LGR5: variants seen among roughly 807,000 people sequenced by gnomAD.
LGR5 encodes leucine rich repeat containing G protein-coupled receptor 5.
Under a neutral mutation model 76.7 loss-of-function variants are expected in LGR5, and 54 were observed. The ratio of observed to expected loss-of-function variants is 0.70; its 90% CI spans 0.57 to 0.88. The LOEUF is 0.88. LGR5 is among the 40% of genes least tolerant of loss of function. LGR5 has a pLI of 0.00. For missense variants in LGR5, 1,078 were observed against 1,073.3 expected, an observed-to-expected ratio of 1.00 and a Z score of -0.06; for synonymous variants, 406 against 421.9, an observed-to-expected ratio of 0.96 and a Z score of 0.46.
chr12:71,582,322 C>A, intron 16 of LGR5, 134 bp from the exon 17 acceptor site: 1 of 688,030 alleles, frequency 1.5e-6, no homozygotes, highest in Non-Finnish European at 2.5e-6. Context: ...TTTATAATAA[C>A]TTGCAAGAAA....
In LGR5 at chr12:71,585,065, A is replaced by T. The variant is rs1006936882; in HGVS notation, c.*331A>T. 3.4e-5 allele frequency: 7 copies of T among 207,804 alleles called. No homozygotes were observed. Among genetic ancestry groups the T allele is most frequent in the Non-Finnish European group, 6.8e-5 (7 of 103,422 alleles). The allele number at this position is 207,804 out of a possible 1,614,324, so 12.9% of individuals were successfully genotyped here. On this transcript the variant is annotated 3_prime_UTR_variant, in exon 18 of 18. Coordinates refer to ENST00000266674, the MANE Select transcript of LGR5 (RefSeq NM_003667.4). Reference sequence around the variant, plus strand: ...TCTCTTTAAACTCACCAATGTAATCATTTTGGGAGGAGGGAGAACCCACTT... The same window carrying T: ...TCTCTTTAAACTCACCAATGTAATCTTTTTGGGAGGAGGGAGAACCCACTT...
chr12:71,580,498 G>A lies in LGR5; in HGVS notation c.1552+75G>A, dbSNP rs1046906213. On this transcript the variant is annotated intron_variant, in intron 16 of 17. Transcript: ENST00000266674. ...CACATGGAAATGAATTATGTTTGAT[G>A]AAAAGTCATCGAACAGGCCGGGTGT... The A allele has an allele frequency of 1.4e-5, 21 of 1,485,022 alleles. No individual in the cohort carries two copies. The East Asian group carries it at 1.6e-4, about 11-fold the overall frequency. The allele number at this position is 1,485,022 out of a possible 1,614,324, so 92.0% of individuals were successfully genotyped here. A position where few individuals can be genotyped will look rare whatever the true frequency, so the allele number is the denominator to read the frequency against.
At chr12:71,447,614 T>G (rs1459934221) in intron 1 of LGR5, among the ~76,000 whole-genome samples, 1 of 152,184 alleles carries the variant, frequency 6.6e-6, no homozygotes, top group African/African-American at 2.4e-5. Context: ...AGAAGGAGTG[T>G]TTGCTTCTTC....
chr12:71,496,051 C>T (rs908413213), intron 1 of LGR5, among the ~76,000 whole-genome samples: 1 of 152,106 alleles, frequency 6.6e-6, no homozygotes, highest in Non-Finnish European at 1.5e-5. Flanking sequence ...TGTGACATCA[C>T]TGTACATGCC....
intron 4 of LGR5, among the ~76,000 whole-genome samples, chr12:71,541,950 A>G (rs1463951636): frequency 1.3e-5 from 2 of 152,240 alleles, no homozygotes; most frequent in Non-Finnish European, 2.9e-5. Flanking sequence ...GGAAAGGCTT[A>G]ACAGAAACAC....
At chr12:71,474,670 C>T (rs142882648) in intron 1 of LGR5, among the ~76,000 whole-genome samples, 30 of 152,274 alleles carry the variant, frequency 2.0e-4, no homozygotes, top group African/African-American at 5.8e-4. Context: ...AGATTATGTC[C>T]TTGCCTGTAT....
intron 16 of LGR5, 34 bp downstream of exon 16, chr12:71,580,457 G>A (rs1283238053): frequency 1.6e-5 from 25 of 1,594,568 alleles, no homozygotes; most frequent in Non-Finnish European, 2.1e-5. Context: ...ATGAAATTGT[G>A]TTGTGTTCAG....
At chr12:71,439,540 C>T (rs968582762), upstream of LGR5, among the ~76,000 whole-genome samples, 1 of 151,944 alleles carries the variant, frequency 6.6e-6, no homozygotes, top group African/African-American at 2.4e-5. Flanking sequence ...GTGGGGGGGT[C>T]CCCTATTCCG....
chr12:71,544,158 G>A lies in LGR5; in HGVS notation c.429-8915G>A, dbSNP rs1355172922. On this transcript the variant is annotated intron_variant, in intron 4 of 17. Transcript: ENST00000266674. ...TTTGGTTCCTTTAGACATTTCATCTGGCTGCTAGTCAAGACAGCTGATTAG... is the reference window on the plus strand; with the variant it reads ...TTTGGTTCCTTTAGACATTTCATCTAGCTGCTAGTCAAGACAGCTGATTAG... Among the ~76,000 whole-genome samples, 3 of 151,958 alleles carry A rather than the reference G, an allele frequency of 2.0e-5. No individual in the cohort carries two copies. The East Asian group carries it at 5.8e-4, about 29-fold the overall frequency.
At position 71,440,356 on chromosome 12, in the gene LGR5, C is replaced by G; in HGVS notation, c.212+64C>G. 1 of 1,524,002 alleles carries G rather than the reference C, an allele frequency of 6.6e-7. No homozygotes were observed. Among genetic ancestry groups the G allele is most frequent in the Non-Finnish European group, 9.0e-7 (1 of 1,116,248 alleles). The allele number at this position is 1,524,002 out of a possible 1,614,324, so 94.4% of individuals were successfully genotyped here. A position where few individuals can be genotyped will look rare whatever the true frequency, so the allele number is the denominator to read the frequency against. On this transcript the variant is annotated intron_variant, in intron 1 of 17. Coordinates refer to ENST00000266674, the MANE Select transcript of LGR5 (RefSeq NM_003667.4). The surrounding 1 kb of genome is among the most constrained non-coding windows in gnomAD (Gnocchi z 5.3). ...GAGGGGAAGGAAGGTTCGTCCAAGG[C>G]GAGGCTGGAGGCTCCTCGGCGCCCG...
chr12:71,518,316 G>A (rs1489491979), intron 2 of LGR5, among the ~76,000 whole-genome samples: 3 of 152,150 alleles, frequency 2.0e-5, no homozygotes, highest in African/African-American at 7.2e-5. Flanking sequence ...TCTCACACCA[G>A]TCAGAATGCC....
At chr12:71,477,093 C>T (rs1451583358) in intron 1 of LGR5, among the ~76,000 whole-genome samples, 1 of 152,036 alleles carries the variant, frequency 6.6e-6, no homozygotes, top group African/African-American at 2.4e-5. Flanking sequence ...CAAGCCAATT[C>T]CTGCCATAAA....
chr12:71,583,656 A>G lies in LGR5; in HGVS notation c.1646A>G (p.Lys549Arg), dbSNP rs753089647. The change falls in exon 18 of 18, where the codon AAA (lysine) becomes AGA (arginine). Residue 549 changes from lysine to arginine, a missense_variant. Transcript: ENST00000266674. Reference sequence around the variant, plus strand: ...TTCCTTGGACTTCTAGGCCCCTTCAAACCCTGTGAACACCTGCTTGATGGC... The same window carrying G: ...TTCCTTGGACTTCTAGGCCCCTTCAGACCCTGTGAACACCTGCTTGATGGC... ...VQCSPSPGPF[K>R]PCEHLLDGWL... The G allele has an allele frequency of 1.9e-6, 3 of 1,611,664 alleles. No individual in the cohort carries two copies. The highest frequency in any genetic ancestry group is 1.7e-6 in the Non-Finnish European group (2 of 1,178,176).
At chr12:71,460,161 G>T (rs1872633657) in intron 1 of LGR5, among the ~76,000 whole-genome samples, 1 of 152,066 alleles carries the variant, frequency 6.6e-6, no homozygotes, top group South Asian at 2.1e-4. Flanking sequence ...TAGAAGTCAG[G>T]ACCCACATCA....
intron 2 of LGR5, 70 bp downstream of exon 2, chr12:71,504,755 T>C (rs1874778328): frequency 8.0e-7 from 1 of 1,242,624 alleles, no homozygotes; most frequent in East Asian, 2.3e-5. Context: ...CTCTCATACT[T>C]ACTGTGGGAA....
chr12:71,552,583 A>AT, intron 4 of LGR5, among the ~76,000 whole-genome samples: 1 of 151,842 alleles, frequency 6.6e-6, no homozygotes, highest in Non-Finnish European at 1.5e-5. Flanking sequence ...AAAAAAAAAA[A>AT]TTACGCAGTT....
intron 3 of LGR5, among the ~76,000 whole-genome samples, chr12:71,528,927 GA>G (rs1199820823): frequency 2.6e-5 from 4 of 152,202 alleles, no homozygotes; most frequent in African/African-American, 9.6e-5. Flanking sequence ...GAATGTTATG[GA>G]ATTTTGAGAC....
chr12:71,466,524 G>T (rs1374728514), intron 1 of LGR5, among the ~76,000 whole-genome samples: 1 of 152,086 alleles, frequency 6.6e-6, no homozygotes, highest in African/African-American at 2.4e-5. Context: ...AAATGTAGCA[G>T]ATTAAATAAA....
rs147607370 is a variant in LGR5 at position 71,582,522 on chromosome 12, A to G, written c.1619A>G (p.Gln540Arg). The change falls in exon 17 of 18, where the codon CAG becomes CGG. Residue 540 changes from glutamine (Q) to arginine (R), a missense_variant. Physicochemically the swap from Gln to Arg is conservative, Grantham distance 43. Transcript: ENST00000266674. ...GACCTGAAAGCCCTTCATTCAGTGC[A>G]GTGTTCACCTTCCCCAGGTGAGAAA... The part of the protein sequence containing the change: ...EEDLKALHSV[Q>R]CSPSPGPFKP... 16 of 1,613,642 alleles carry G rather than the reference A, an allele frequency of 9.9e-6. No individual in the cohort carries two copies. Among genetic ancestry groups the G allele is most frequent in the Non-Finnish European group, 1.4e-5 (16 of 1,179,666 alleles).
Sources: allele counts gnomAD v4.1 joint callset (sites outside exome capture counted in the v4.1 genomes callset), GRCh38; gene constraint gnomAD v4.1.1; non-coding constraint Gnocchi (gnomAD v3.1); transcripts MANE v1.5; gene names NCBI Gene and HGNC (gene_info 2026-07-23, HGNC 2026-07-21).